Variants in DAAM1 observed in about 807,000 individuals in gnomAD.
DAAM1 encodes dishevelled associated activator of morphogenesis 1.
A neutral mutation model predicts 130.0 loss-of-function variants in DAAM1; 52 were observed. That is an observed-to-expected ratio of 0.40 (90% CI 0.32 to 0.50). The LOEUF (loss-of-function observed/expected upper bound fraction) is 0.50. Among genes scored for constraint, DAAM1 ranks in the 20% least tolerant of loss-of-function variants. The pLI, the probability that DAAM1 is intolerant of heterozygous loss-of-function variation, is 0.61. For synonymous variants in DAAM1, 452 were observed against 444.5 expected, an observed-to-expected ratio of 1.02 and a Z score of -0.21; for missense variants, 1,134 against 1,303.8, an observed-to-expected ratio of 0.87 and a Z score of 2.01.
chr14:59,299,520 A>G (rs1884088796), intron 3 of DAAM1, among the ~76,000 whole-genome samples: 1 of 152,126 alleles, frequency 6.6e-6, no homozygotes, highest in Non-Finnish European at 1.5e-5. Flanking sequence ...CTGCTTGTTC[A>G]CCCATATGCT....
chr14:59,365,578 A>AAT (rs1566511828), intron 23 of DAAM1, among the ~76,000 whole-genome samples: 1 of 152,224 alleles, frequency 6.6e-6, no homozygotes, highest in Non-Finnish European at 1.5e-5. Flanking sequence ...GTAACTGTAA[A>AAT]ATATATATAA....
At chr14:59,203,158 ATTTTTTTTTTTTT>A (rs57437992) in intron 1 of DAAM1, among the ~76,000 whole-genome samples, 4 of 108,068 alleles carry the variant, frequency 3.7e-5, no homozygotes, top group South Asian at 3.2e-4. Context: ...CTTCTGGCTA[ATTTTTTTTTTTTT>A]TTTTTTTTTT....
intron 20 of DAAM1, among the ~76,000 whole-genome samples, chr14:59,356,659 C>A (rs569056495): frequency 2.2e-4 from 33 of 152,192 alleles, no homozygotes; most frequent in Non-Finnish European, 4.4e-4. Context: ...AATGGAAGAT[C>A]TTATTTGTGT....
intron 1 of DAAM1, among the ~76,000 whole-genome samples, chr14:59,259,189 T>C (rs1427884939): frequency 6.6e-6 from 1 of 152,220 alleles, no homozygotes; most frequent in Non-Finnish European, 1.5e-5. Flanking sequence ...TGTACCTCTG[T>C]GTGCAAAACA....
chr14:59,323,310 G>C, intron 6 of DAAM1, 85 bp downstream of exon 6: 1 of 1,378,340 alleles, frequency 7.3e-7, no homozygotes, highest in Non-Finnish European at 9.7e-7. Flanking sequence ...AAAGGGGAAT[G>C]TTACTTGAGA....
In DAAM1 at chr14:59,369,084, G is replaced by T; in HGVS notation, c.*225G>T. 2.1e-6 allele frequency: 1 copy of T among 475,938 alleles called. No homozygotes were observed. The allele number at this position is 475,938 out of a possible 1,614,324, so 29.5% of individuals were successfully genotyped here. On this transcript the variant is annotated 3_prime_UTR_variant, in exon 25 of 25. Transcript: ENST00000360909. ...TATACGTATGGTTAAAAAGATTTAT[G>T]TTAATGTATGTGCTCCAAAACCTTT...
At position 59,322,315 on chromosome 14, in the gene DAAM1, C is replaced by G. The variant is rs189141349; in HGVS notation, c.441-577C>G. 3.3e-3 allele frequency among the ~76,000 whole-genome samples: 507 copies of G among 151,840 alleles called. 3 individuals carry two copies. The highest frequency in any genetic ancestry group is 0.011 in the African/African-American group (449 of 41,382). On this transcript the variant is annotated intron_variant, in intron 5 of 24. Coordinates refer to ENST00000360909, the MANE Select transcript of DAAM1 (RefSeq NM_001270520.2). ...TTGCTTGAGGCCACAAGTTCAAGACCAGTCTGGGCAACATAGCAAGTCTCC... is the reference window on the plus strand; with the variant it reads ...TTGCTTGAGGCCACAAGTTCAAGACGAGTCTGGGCAACATAGCAAGTCTCC...
chr14:59,333,746 G>GT (rs1399802595), intron 15 of DAAM1, among the ~76,000 whole-genome samples: 14 of 152,342 alleles, frequency 9.2e-5, no homozygotes, highest in African/African-American at 3.4e-4. Context: ...GTCTGAGCAT[G>GT]TGGGTTGCAT....
chr14:59,281,296 A>G (rs1198183550), intron 2 of DAAM1, among the ~76,000 whole-genome samples: 1 of 152,160 alleles, frequency 6.6e-6, no homozygotes, highest in African/African-American at 2.4e-5. Flanking sequence ...CCAGGCTAGC[A>G]GGGGGACCCC....
Position 59,369,360 on chromosome 14 carries a change from GA to G in DAAM1, c.*502del, listed in dbSNP as rs1887054372. On this transcript the variant is annotated 3_prime_UTR_variant, in exon 25 of 25. Transcript: ENST00000360909. Reference sequence around the variant, plus strand: ...AAAACATAGATTTAAAATGATTTTTGATAGCTGACATTGTGATGTTGATGTA... The same window carrying G: ...AAAACATAGATTTAAAATGATTTTTGTAGCTGACATTGTGATGTTGATGTA... 6.5e-6 allele frequency: 1 copy of G among 153,078 alleles called. No homozygotes were observed. Among genetic ancestry groups the G allele is most frequent in the South Asian group, 2.1e-4 (1 of 4,832 alleles). The allele number at this position is 153,078 out of a possible 1,614,324, so 9.5% of individuals were successfully genotyped here. A position where few individuals can be genotyped will look rare whatever the true frequency, so the allele number is the denominator to read the frequency against.
At chr14:59,246,082 T>G (rs1437492056) in intron 1 of DAAM1, among the ~76,000 whole-genome samples, 1 of 152,180 alleles carries the variant, frequency 6.6e-6, no homozygotes, top group Non-Finnish European at 1.5e-5. Context: ...TTATTTAAAT[T>G]ATTTTTCAAA....
In DAAM1 at chr14:59,262,653, AGTGTGTGTGTGTGTGTGTGT is replaced by A. The variant is rs5809025; in HGVS notation, c.-37-761_-37-742del. On this transcript the variant is annotated intron_variant, in intron 1 of 24. Transcript: ENST00000360909. The stretch of plus-strand genomic sequence containing the variant: ...TTAAATGAGTGTATAATATTCTATT[AGTGTGTGTGTGTGTGTGTGT>A]GTGTGTGTGTGTGTGTGTGTGTGTG... 2.6e-4 allele frequency among the ~76,000 whole-genome samples: 37 copies of A among 140,870 alleles called. No individual in the cohort carries two copies. The East Asian group carries it at 2.8e-3, about 11-fold the overall frequency. The allele number at this position is 140,870 out of a possible 152,430, so 92.4% of individuals were successfully genotyped here. A position where few individuals can be genotyped will look rare whatever the true frequency, so the allele number is the denominator to read the frequency against.
chr14:59,371,190 TG>T lies in DAAM1; in HGVS notation c.*2332del, dbSNP rs1267340332. ...TTGGGTGTGTATTTTAAACTTTTTT[TG>T]TTTTTTTAAATTAATGCCAAAAAGA... On this transcript the variant is annotated 3_prime_UTR_variant, in exon 25 of 25. Transcript: ENST00000360909. 1.1e-4 allele frequency: 17 copies of T among 152,264 alleles called. No individual in the cohort carries two copies. Among genetic ancestry groups the T allele is most frequent in the African/African-American group, 3.8e-4 (16 of 41,574 alleles). 9.4% of individuals were successfully genotyped at this position (152,264 alleles called of 1,614,324 possible).
intron 3 of DAAM1, among the ~76,000 whole-genome samples, chr14:59,300,239 G>A (rs1023617564): frequency 1.3e-5 from 2 of 152,196 alleles, no homozygotes; most frequent in Non-Finnish European, 2.9e-5. Context: ...AAGTTATTAG[G>A]TTGGAGTGAG....
chr14:59,369,537 TC>T lies in DAAM1; in HGVS notation c.*682del, dbSNP rs879412530. The stretch of plus-strand genomic sequence containing the variant: ...ATTTAAAAGTTGGACATCAATTTTT[TC>T]CCCTGATTTCATCAAGTTATCTCTG... On this transcript the variant is annotated 3_prime_UTR_variant, in exon 25 of 25. Coordinates refer to ENST00000360909, the MANE Select transcript of DAAM1 (RefSeq NM_001270520.2). The T allele has an allele frequency of 6.6e-5, 10 of 152,484 alleles. No individual in the cohort carries two copies. The highest frequency in any genetic ancestry group is 1.3e-4 in the Non-Finnish European group (9 of 67,986). The allele number at this position is 152,484 out of a possible 1,614,324, so 9.4% of individuals were successfully genotyped here.
At chr14:59,280,426 C>T (rs901887187) in intron 2 of DAAM1, among the ~76,000 whole-genome samples, 33 of 152,010 alleles carry the variant, frequency 2.2e-4, no homozygotes, top group African/African-American at 8.0e-4. Context: ...CAGAGAGAGA[C>T]CCTATCTCTA....
At chr14:59,338,269 C>G in intron 15 of DAAM1, 2 of 1,045,636 alleles carry the variant, frequency 1.9e-6, no homozygotes, top group Non-Finnish European at 2.9e-6. Flanking sequence ...CATAAATCAT[C>G]TCTTACCCTA....
chr14:59,287,265 G>C (rs548161530), intron 2 of DAAM1, among the ~76,000 whole-genome samples: 47 of 152,140 alleles, frequency 3.1e-4, no homozygotes, highest in Admixed American at 3.1e-3. Context: ...AACAAATTAG[G>C]CATCAAAGGA....
intron 1 of DAAM1, among the ~76,000 whole-genome samples, chr14:59,258,565 A>T (rs756807809): frequency 2.6e-5 from 4 of 152,340 alleles, no homozygotes; most frequent in Non-Finnish European, 4.4e-5. Context: ...TATACTGGGC[A>T]GTTGTTGGGA....
Sources: allele counts gnomAD v4.1 joint callset (sites outside exome capture counted in the v4.1 genomes callset), GRCh38; gene constraint gnomAD v4.1.1; transcripts MANE v1.5; gene names NCBI Gene and HGNC (gene_info 2026-07-23, HGNC 2026-07-21).